The following SNX24 variants were observed in gnomAD, a reference collection of about 807,000 sequenced individuals.
SNX24 encodes the protein sorting nexin-24.
In SNX24, 22 loss-of-function variants were observed where a neutral mutation model predicts 28.7. The observed-to-expected ratio is 0.77, with a 90% CI of 0.55 to 1.10. The LOEUF is 1.10. SNX24 is among the 50% of genes least tolerant of loss of function. The pLI is 0.00. For synonymous variants in SNX24, 69 were observed against 71.5 expected (o/e 0.96, Z 0.18); for missense variants, 221 against 201.1 (o/e 1.10, Z -0.60).
chr5:122,872,292 C>G (rs114692855), intron 1 of SNX24, among the ~76,000 whole-genome samples: 40 of 152,010 alleles, frequency 2.6e-4, no homozygotes, highest in Non-Finnish European at 5.0e-4. Flanking sequence ...AATGGTGATT[C>G]TTTGGTTAAA....
chr5:122,997,007 C>T (rs1762073772), intron 3 of SNX24, among the ~76,000 whole-genome samples: 1 of 152,196 alleles, frequency 6.6e-6, no homozygotes, highest in Non-Finnish European at 1.5e-5. Context: ...GTAAATGGAA[C>T]AGTTGTGAGG....
intron 3 of SNX24, among the ~76,000 whole-genome samples, chr5:122,979,612 A>C (rs1358717465): frequency 6.6e-6 from 1 of 152,224 alleles, no homozygotes; most frequent in African/African-American, 2.4e-5. Context: ...ATTTGTGGTC[A>C]TCACTTATGC....
chr5:122,870,905 C>T (rs551304589), intron 1 of SNX24, among the ~76,000 whole-genome samples: 1 of 152,152 alleles, frequency 6.6e-6, no homozygotes, highest in African/African-American at 2.4e-5. Context: ...TGGTGCACGT[C>T]GTTGTCTGCT....
chr5:122,876,570 G>A (rs866681393), intron 1 of SNX24, among the ~76,000 whole-genome samples: 1 of 152,206 alleles, frequency 6.6e-6, no homozygotes. Flanking sequence ...CCCAGTAAGT[G>A]AAGTGTTTTG....
At chr5:122,907,268 G>A (rs1303228590) in intron 1 of SNX24, among the ~76,000 whole-genome samples, 1 of 152,042 alleles carries the variant, frequency 6.6e-6, no homozygotes, top group Non-Finnish European at 1.5e-5. Flanking sequence ...TATTTGTGAC[G>A]TAAAGTTTTC....
chr5:122,996,436 GTA>G (rs1762056421), intron 3 of SNX24, among the ~76,000 whole-genome samples: 1 of 152,196 alleles, frequency 6.6e-6, no homozygotes, highest in Non-Finnish European at 1.5e-5. Context: ...ATAGATGTAT[GTA>G]TGTTTTCCAG....
chr5:122,869,545 G>C (rs1222997020), intron 1 of SNX24, among the ~76,000 whole-genome samples: 1 of 152,158 alleles, frequency 6.6e-6, no homozygotes, highest in Admixed American at 6.5e-5. Context: ...TGCTTATGCT[G>C]CTTTTAATTA....
chr5:122,865,627 C>G (rs1053996084), intron 1 of SNX24, among the ~76,000 whole-genome samples: 3 of 152,234 alleles, frequency 2.0e-5, no homozygotes, highest in Admixed American at 6.5e-5. Context: ...GCATGAGCCA[C>G]CGTGCCCAGC....
intron 3 of SNX24, among the ~76,000 whole-genome samples, chr5:122,993,580 G>A (rs148250615): frequency 7.9e-5 from 12 of 152,142 alleles, no homozygotes; most frequent in African/African-American, 2.4e-4. Flanking sequence ...GATTATAGGC[G>A]TGAGCCACCA....
intron 1 of SNX24, among the ~76,000 whole-genome samples, chr5:122,854,026 C>G (rs1285354521): frequency 6.6e-6 from 1 of 151,656 alleles, no homozygotes; most frequent in Non-Finnish European, 1.5e-5. Flanking sequence ...AGTTTATCTA[C>G]TGAAATTCAG....
chr5:123,009,015 A>C lies in SNX24; in HGVS notation c.*1266A>C, dbSNP rs1230432221. 3 of 985,602 alleles carry C rather than the reference A, an allele frequency of 3.0e-6. No homozygotes were observed. Among genetic ancestry groups the C allele is most frequent in the Non-Finnish European group, 2.4e-6 (2 of 829,806 alleles). The allele number at this position is 985,602 out of a possible 1,614,324, so 61.1% of individuals were successfully genotyped here. A position where few individuals can be genotyped will look rare whatever the true frequency, so the allele number is the denominator to read the frequency against. ...CATCATGGTTTTTGATTAGGATCTA[A>C]ATATTCAGGTTTTAAGCCTGCTGCA... is the stretch of plus-strand genomic sequence containing the variant. On this transcript the variant is annotated 3_prime_UTR_variant, in exon 7 of 7. Coordinates refer to ENST00000261369, the MANE Select transcript of SNX24 (RefSeq NM_014035.4).
At chr5:122,972,908 A>G (rs1392804887) in intron 3 of SNX24, among the ~76,000 whole-genome samples, 1 of 152,172 alleles carries the variant, frequency 6.6e-6, no homozygotes, top group Non-Finnish European at 1.5e-5. Flanking sequence ...GGCCATAGCT[A>G]GGTCGGCCTT....
At chr5:122,849,834 G>C (rs1165575618) in intron 1 of SNX24, among the ~76,000 whole-genome samples, 1 of 152,174 alleles carries the variant, frequency 6.6e-6, no homozygotes. Context: ...ACAGAATTCA[G>C]TACATGTCTG....
intron 3 of SNX24, among the ~76,000 whole-genome samples, chr5:122,987,772 T>A (rs1761666230): frequency 6.6e-6 from 1 of 152,156 alleles, no homozygotes. Context: ...GGCAACACCA[T>A]TGCACAGAAG....
chr5:122,934,473 C>T (rs1169081723), intron 1 of SNX24, among the ~76,000 whole-genome samples: 3 of 152,036 alleles, frequency 2.0e-5, no homozygotes, highest in Admixed American at 6.5e-5. Flanking sequence ...GATTCTCATG[C>T]CTCAGCCTCC....
chr5:122,892,556 T>C (rs1416774199), intron 1 of SNX24, among the ~76,000 whole-genome samples: 1 of 151,714 alleles, frequency 6.6e-6, no homozygotes, highest in East Asian at 1.9e-4. Flanking sequence ...TCTTGTTCCT[T>C]AGCCTCCCGA....
chr5:122,944,870 T>C (rs1272757059), intron 2 of SNX24, among the ~76,000 whole-genome samples: 1 of 152,230 alleles, frequency 6.6e-6, no homozygotes, highest in African/African-American at 2.4e-5. Flanking sequence ...TTTCTGTGCA[T>C]GTGTAGTAAA....
intron 1 of SNX24, among the ~76,000 whole-genome samples, chr5:122,923,480 A>ATC (rs992272352): frequency 6.6e-6 from 1 of 152,186 alleles, no homozygotes; most frequent in African/African-American, 2.4e-5. Context: ...GCTCTCTGAC[A>ATC]TCTGTTCATA....
At chr5:122,893,331 T>C (rs1757062062) in intron 1 of SNX24, among the ~76,000 whole-genome samples, 1 of 152,202 alleles carries the variant, frequency 6.6e-6, no homozygotes, top group East Asian at 1.9e-4. Flanking sequence ...CAATAAGATA[T>C]GCAGGTTCAC....
Sources: gnomAD v4.1 joint callset for allele counts (sites outside exome capture counted in the v4.1 genomes callset) on GRCh38, gnomAD v4.1.1 for gene constraint, MANE v1.5 for transcripts, NCBI Gene and HGNC (gene_info 2026-07-23, HGNC 2026-07-21) for gene names.